Variants in GSE1 observed in about 807,000 individuals in gnomAD.
GSE1 encodes the protein Gse1 coiled-coil protein.
GSE1 carries 32 observed loss-of-function variants against 112.6 expected under a neutral mutation model. The observed-to-expected ratio is 0.28, with a 90% CI of 0.21 to 0.38. GSE1 has a LOEUF of 0.38. Ranked by LOEUF, GSE1 falls within the 10% of genes least tolerant of loss-of-function variation. The pLI is 1.00. For missense variants in GSE1, 2,348 were observed against 1,699.2 expected (o/e 1.38, Z -6.71); for synonymous variants, 1,115 against 735.6 (o/e 1.52, Z -8.35).
intron 2 of GSE1, among the ~76,000 whole-genome samples, chr16:85,518,897 C>T (rs1197907160): frequency 2.0e-5 from 3 of 152,192 alleles, no homozygotes; most frequent in African/African-American, 4.8e-5. Context: ...CCCCAACACA[C>T]ACCCCCGTTT....
intron 2 of GSE1, among the ~76,000 whole-genome samples, chr16:85,636,775 C>G (rs1487828767): frequency 6.6e-6 from 1 of 152,188 alleles, no homozygotes; most frequent in Non-Finnish European, 1.5e-5. Flanking sequence ...CCCCTCACCC[C>G]TAGCACCACT....
chr16:85,647,206 T>C (rs972110629), intron 2 of GSE1, among the ~76,000 whole-genome samples: 3 of 152,152 alleles, frequency 2.0e-5, no homozygotes, highest in Admixed American at 6.5e-5. Flanking sequence ...GGGTATCCTC[T>C]TGGCTGTAGC....
At position 85,668,312 on chromosome 16, in the gene GSE1, G is replaced by A. The variant is rs188803698; in HGVS notation, c.3303G>A (p.Ser1101=). 48 of 1,611,138 alleles carry A rather than the reference G, an allele frequency of 3.0e-5. No individual in the cohort carries two copies. The highest frequency in any genetic ancestry group is 2.0e-4 in the Admixed American group (12 of 59,974). ...GPPTQELDRD[S]EEEEEEDDED... Reference sequence around the variant, plus strand: ...CAACCCAGGAGTTGGACCGGGACTCGGAGGAGGAGGAAGAGGAGGATGATG... The same window carrying A: ...CAACCCAGGAGTTGGACCGGGACTCAGAGGAGGAGGAAGAGGAGGATGATG... The change falls in exon 14 of 16, where the codon TCG becomes TCA. Residue 1101 remains serine, a synonymous_variant. Transcript: ENST00000253458.
upstream of GSE1, among the ~76,000 whole-genome samples, chr16:85,608,603 G>A (rs184413077): frequency 6.6e-6 from 1 of 152,342 alleles, no homozygotes; most frequent in African/African-American, 2.4e-5. Flanking sequence ...GCTGCCAGGT[G>A]TAAGAGCCAC....
intron 1 of GSE1, chr16:85,185,331 C>T (rs957753145): frequency 6.6e-6 from 1 of 152,304 alleles, no homozygotes; most frequent in African/African-American, 2.4e-5. Flanking sequence ...TTCTCTACTC[C>T]AACAGTCGCT....
At chr16:85,453,280 C>G (rs905251501) in intron 2 of GSE1, among the ~76,000 whole-genome samples, 1 of 152,146 alleles carries the variant, frequency 6.6e-6, no homozygotes, top group Non-Finnish European at 1.5e-5. Context: ...CTGAGCAGCC[C>G]GCCCACCCTC....
intron 2 of GSE1, among the ~76,000 whole-genome samples, chr16:85,392,287 G>C (rs2047857920): frequency 6.6e-6 from 1 of 152,204 alleles, no homozygotes; most frequent in Middle Eastern, 3.2e-3. Flanking sequence ...ACCAGATCCA[G>C]AAAGAAAAAC....
At chr16:85,573,015 G>T (rs759004096) in intron 1 of GSE1, among the ~76,000 whole-genome samples, 1 of 152,026 alleles carries the variant, frequency 6.6e-6, no homozygotes. Flanking sequence ...GATTAGAGGC[G>T]CACGCCACCA....
rs920585824 is a variant in GSE1 at position 85,490,390 on chromosome 16, A to G, written c.2464+132747A>G. The G allele has an allele frequency of 7.9e-5, 12 of 152,398 alleles. 1 individual carries two copies. Among genetic ancestry groups the G allele is most frequent in the African/African-American group, 2.9e-4 (12 of 41,582 alleles). The allele number at this position is 152,398 out of a possible 1,614,324, so 9.4% of individuals were successfully genotyped here. On this transcript the variant is annotated intron_variant, in intron 2 of 2. Coordinates refer to the GSE1 transcript ENST00000637419. ...TCGTCTCCTCATGTGTAAAAGGGGCAGCAGGGTAGAGCAGGTGATGTCCGC... is the reference window on the plus strand; with the variant it reads ...TCGTCTCCTCATGTGTAAAAGGGGCGGCAGGGTAGAGCAGGTGATGTCCGC...
chr16:85,313,466 C>T (rs908098634), intron 1 of GSE1, among the ~76,000 whole-genome samples: 3 of 152,176 alleles, frequency 2.0e-5, no homozygotes, highest in African/African-American at 7.2e-5. Context: ...TTGCAGACAA[C>T]GGGCCCCTTT....
At chr16:85,446,655 G>T (rs1196412814) in intron 2 of GSE1, among the ~76,000 whole-genome samples, 2 of 152,192 alleles carry the variant, frequency 1.3e-5, no homozygotes, top group South Asian at 2.1e-4. Flanking sequence ...CATCGAGCGG[G>T]TTCTCTGCCT....
intron 1 of GSE1, among the ~76,000 whole-genome samples, chr16:85,346,532 G>C (rs1013535461): frequency 6.6e-6 from 1 of 151,086 alleles, no homozygotes; most frequent in Non-Finnish European, 1.5e-5. Flanking sequence ...TGGATGGGTG[G>C]ATGATAGGCG....
At chr16:85,609,407 CCT>C (rs749577823), upstream of GSE1, among the ~76,000 whole-genome samples, 13 of 152,314 alleles carry the variant, frequency 8.5e-5, no homozygotes, top group East Asian at 1.5e-3. Context: ...CTAACCCTGG[CCT>C]CTCTGAGGTG....
intron 2 of GSE1, among the ~76,000 whole-genome samples, chr16:85,475,813 C>A (rs1390555042): frequency 6.7e-6 from 1 of 148,492 alleles, no homozygotes; most frequent in Non-Finnish European, 1.5e-5. Context: ...TACTAGAGAC[C>A]GGGTTTCACT....
intron 2 of GSE1, among the ~76,000 whole-genome samples, chr16:85,371,407 G>A (rs2047298037): frequency 6.6e-6 from 1 of 152,224 alleles, no homozygotes; most frequent in African/African-American, 2.4e-5. Context: ...GCTGTGACTC[G>A]GTGAGGGTGT....
chr16:85,374,048 A>G (rs1209676600), intron 2 of GSE1, among the ~76,000 whole-genome samples: 3 of 152,134 alleles, frequency 2.0e-5, no homozygotes, highest in Admixed American at 6.5e-5. Flanking sequence ...GTCTGTGTGC[A>G]CATGTGGTTC....
chr16:85,255,273 T>G (rs887156057), intron 1 of GSE1, among the ~76,000 whole-genome samples: 18 of 152,272 alleles, frequency 1.2e-4, no homozygotes, highest in African/African-American at 4.3e-4. Flanking sequence ...GGCCAGAGCC[T>G]GGGCTTGGGA....
intron 2 of GSE1, among the ~76,000 whole-genome samples, chr16:85,494,338 T>G (rs1324935553): frequency 6.6e-6 from 1 of 152,180 alleles, no homozygotes; most frequent in Non-Finnish European, 1.5e-5. Context: ...TGGCTTTGAG[T>G]GTCTTCTTGT....
At chr16:85,425,492 C>T (rs1430346475) in intron 2 of GSE1, among the ~76,000 whole-genome samples, 3 of 152,174 alleles carry the variant, frequency 2.0e-5, no homozygotes, top group African/African-American at 7.2e-5. Flanking sequence ...GAGACAAAAC[C>T]CATCTTGTGG....
Sources: allele counts gnomAD v4.1 joint callset (sites outside exome capture counted in the v4.1 genomes callset), GRCh38; gene constraint gnomAD v4.1.1; transcripts MANE v1.5; gene names NCBI Gene and HGNC (gene_info 2026-07-23, HGNC 2026-07-21).